CDH8: variants seen among roughly 807,000 people sequenced by gnomAD.
The protein encoded by CDH8 is cadherin 8, also known as cadherin-8.
Under a neutral mutation model 68.1 loss-of-function variants are expected in CDH8, and 17 were observed. That is an observed-to-expected ratio of 0.25 (90% confidence interval 0.17 to 0.37). CDH8 has a LOEUF of 0.37. Among genes scored for constraint, CDH8 ranks in the 10% least tolerant of loss-of-function variants. CDH8 has a pLI of 1.00. For synonymous variants in CDH8, 372 were observed against 365.1 expected (o/e 1.02, Z -0.21); for missense variants, 763 against 999.3 (o/e 0.76, Z 3.19).
intron 2 of CDH8, among the ~76,000 whole-genome samples, chr16:61,913,207 C>T (rs78525516): frequency 3.0e-3 from 461 of 152,076 alleles, no homozygotes; most frequent in East Asian, 0.01. Flanking sequence ...TACATACAGC[C>T]GGAAGGTATT....
chr16:61,811,023 C>CAA (rs34071898), intron 7 of CDH8, among the ~76,000 whole-genome samples: 27 of 87,626 alleles, frequency 3.1e-4, no homozygotes, highest in African/African-American at 6.6e-4. Context: ...GACTCTGTCT[C>CAA]AAAAAAAAAA....
At chr16:61,913,246 A>G (rs912296699) in intron 2 of CDH8, among the ~76,000 whole-genome samples, 2 of 152,158 alleles carry the variant, frequency 1.3e-5, no homozygotes, top group African/African-American at 4.8e-5. Flanking sequence ...AATTTTGTGC[A>G]CCAGTCACAT....
intron 10 of CDH8, among the ~76,000 whole-genome samples, chr16:61,677,383 C>T (rs893240971): frequency 6.6e-6 from 1 of 151,680 alleles, no homozygotes; most frequent in Non-Finnish European, 1.5e-5. Context: ...CAGCCTCCAA[C>T]TTTAATTATT....
chr16:61,775,019 T>C (rs1371506393), intron 8 of CDH8, among the ~76,000 whole-genome samples: 1 of 152,088 alleles, frequency 6.6e-6, no homozygotes, highest in Non-Finnish European at 1.5e-5. Flanking sequence ...CAAATCGCTA[T>C]TTAAGATGAA....
At chr16:61,677,847 G>GA (rs1246026271) in intron 10 of CDH8, among the ~76,000 whole-genome samples, 1 of 151,978 alleles carries the variant, frequency 6.6e-6, no homozygotes, top group African/African-American at 2.4e-5. Flanking sequence ...GCCATGATGG[G>GA]AAGGAAGGGT....
chr16:61,813,580 G>T (rs1438931267), intron 7 of CDH8, among the ~76,000 whole-genome samples: 1 of 152,006 alleles, frequency 6.6e-6, no homozygotes, highest in Non-Finnish European at 1.5e-5. Flanking sequence ...GCCACGGGCA[G>T]GGGGAGAAGC....
chr16:61,818,817 G>A (rs1281923200), intron 6 of CDH8, among the ~76,000 whole-genome samples: 1 of 151,854 alleles, frequency 6.6e-6, no homozygotes, highest in Non-Finnish European at 1.5e-5. Context: ...TAAACTAGAA[G>A]ACAAACTGGC....
At chr16:62,026,629 A>G (rs866415681) in intron 1 of CDH8, among the ~76,000 whole-genome samples, 19 of 152,322 alleles carry the variant, frequency 1.2e-4, no homozygotes, top group Middle Eastern at 6.8e-3. Context: ...ATATGATGTG[A>G]CAATACTTTC....
At chr16:61,682,526 T>C (rs1964031833) in intron 10 of CDH8, among the ~76,000 whole-genome samples, 1 of 151,948 alleles carries the variant, frequency 6.6e-6, no homozygotes, top group African/African-American at 2.4e-5. Flanking sequence ...TTGAATATTG[T>C]TCAGGATTTA....
chr16:61,975,257 A>AAG (rs886212850), intron 2 of CDH8, among the ~76,000 whole-genome samples: 5 of 151,974 alleles, frequency 3.3e-5, no homozygotes, highest in Non-Finnish European at 5.9e-5. Context: ...AAAAAACCGA[A>AAG]AGAGAGAGAG....
chr16:61,898,183 C>T (rs771376167), intron 3 of CDH8, among the ~76,000 whole-genome samples: 3 of 152,024 alleles, frequency 2.0e-5, no homozygotes, highest in Non-Finnish European at 4.4e-5. Context: ...GCCTGTAATC[C>T]CAGCTACTTA....
chr16:61,866,430 TA>T (rs2143021650), intron 3 of CDH8, among the ~76,000 whole-genome samples: 1 of 152,186 alleles, frequency 6.6e-6, no homozygotes, highest in East Asian at 1.9e-4. Flanking sequence ...GGTTTCTCTT[TA>T]TTGTAAGAAA....
At chr16:61,900,434 A>G (rs1375770515) in intron 3 of CDH8, among the ~76,000 whole-genome samples, 4 of 152,192 alleles carry the variant, frequency 2.6e-5, no homozygotes, top group African/African-American at 9.7e-5. Flanking sequence ...CATACAAGGA[A>G]GAGCTCTAAA....
intron 2 of CDH8, among the ~76,000 whole-genome samples, chr16:61,910,987 G>A (rs1446135005): frequency 6.6e-6 from 1 of 152,036 alleles, no homozygotes; most frequent in Non-Finnish European, 1.5e-5. Context: ...AATATATCTG[G>A]AAGGTTTTAT....
chr16:61,823,770 C>T (rs1962267693), intron 5 of CDH8, among the ~76,000 whole-genome samples: 1 of 151,986 alleles, frequency 6.6e-6, no homozygotes, highest in East Asian at 1.9e-4. Context: ...TAATTTCAGT[C>T]TAATCTAACT....
At chr16:61,690,885 T>G (rs866044842) in intron 10 of CDH8, among the ~76,000 whole-genome samples, 1 of 152,100 alleles carries the variant, frequency 6.6e-6, no homozygotes, top group East Asian at 1.9e-4. Flanking sequence ...AAGAATTACC[T>G]CCATGTTGTT....
intron 8 of CDH8, among the ~76,000 whole-genome samples, chr16:61,775,777 C>A (rs1960885483): frequency 6.6e-6 from 1 of 152,002 alleles, no homozygotes; most frequent in Non-Finnish European, 1.5e-5. Flanking sequence ...AAGCCATCAG[C>A]TTATATATAT....
chr16:61,761,616 G>T (rs1480404193), intron 8 of CDH8, among the ~76,000 whole-genome samples: 4 of 152,142 alleles, frequency 2.6e-5, no homozygotes, highest in Non-Finnish European at 1.5e-5. Flanking sequence ...AAACAAATAA[G>T]AATACAGTGG....
chr16:61,883,882 C>A (rs1030496700), intron 3 of CDH8, among the ~76,000 whole-genome samples: 16 of 150,310 alleles, frequency 1.1e-4, no homozygotes, highest in African/African-American at 3.4e-4. Context: ...TTGATGAGAA[C>A]AATTAGAGAA....
Sources: gnomAD v4.1 joint callset for allele counts (sites outside exome capture counted in the v4.1 genomes callset) on GRCh38, gnomAD v4.1.1 for gene constraint, MANE v1.5 for transcripts, NCBI Gene and HGNC (gene_info 2026-07-23, HGNC 2026-07-21) for gene names.